The following PPP2R5E variants were observed in gnomAD, a reference collection of about 807,000 sequenced individuals.
PPP2R5E encodes serine/threonine-protein phosphatase 2A 56 kDa regulatory subunit epsilon isoform.
In PPP2R5E, 4 loss-of-function variants were observed where a neutral mutation model predicts 65.3. The ratio of observed to expected loss-of-function variants is 0.06; its 90% confidence interval spans 0.03 to 0.14. The LOEUF (loss-of-function observed/expected upper bound fraction) is 0.14, where lower values mean the gene tolerates loss of function less well. Ranked by LOEUF, PPP2R5E falls within the 10% of genes least tolerant of loss-of-function variation. PPP2R5E has a pLI of 1.00. For synonymous variants in PPP2R5E, 183 were observed against 187.4 expected, an observed-to-expected ratio of 0.98 and a Z score of 0.19; for missense variants, 274 against 556.1, an observed-to-expected ratio of 0.49 and a Z score of 5.10.
chr14:63,508,193 G>A lies in PPP2R5E; in HGVS notation c.157+31336C>T, dbSNP rs977586749. On this transcript the variant is annotated intron_variant, in intron 2 of 13. Coordinates refer to ENST00000337537, the MANE Select transcript of PPP2R5E (RefSeq NM_006246.5). Reference sequence around the variant, plus strand: ...ACCAAGTGTGTGCTCTTCCCTCCTCGCACACCTCACACACCTCTTTGGAGC... The same window carrying A: ...ACCAAGTGTGTGCTCTTCCCTCCTCACACACCTCACACACCTCTTTGGAGC... 1.1e-5 allele frequency: 11 copies of A among 985,218 alleles called. No homozygotes were observed. The African/African-American group carries it at 1.2e-4, about 11-fold the overall frequency. The allele number at this position is 985,218 out of a possible 1,614,324, so 61.0% of individuals were successfully genotyped here. A position where few individuals can be genotyped will look rare whatever the true frequency, so the allele number is the denominator to read the frequency against.
intron 5 of PPP2R5E, among the ~76,000 whole-genome samples, chr14:63,401,753 A>C (rs1022866499): frequency 1.3e-5 from 2 of 152,186 alleles, no homozygotes; most frequent in Non-Finnish European, 2.9e-5. Context: ...GACTTCTCAA[A>C]GATGGAAGTG....
At chr14:63,430,409 A>ACATACATACATG (rs1566696765) in intron 3 of PPP2R5E, among the ~76,000 whole-genome samples, 2 of 143,846 alleles carry the variant, frequency 1.4e-5, no homozygotes, top group Admixed American at 1.3e-4. Context: ...ATGCATACAT[A>ACATACATACATG]CATACATACA....
intron 2 of PPP2R5E, among the ~76,000 whole-genome samples, chr14:63,513,967 CAGCCCAA>C (rs1892561703): frequency 6.6e-6 from 1 of 152,194 alleles, no homozygotes; most frequent in Non-Finnish European, 1.5e-5. Context: ...TCCTGGGCTC[CAGCCCAA>C]TGTTTTCTAC....
chr14:63,396,388 G>A (rs1885396808), intron 6 of PPP2R5E, among the ~76,000 whole-genome samples, 198 bp downstream of exon 6: 1 of 111,642 alleles, frequency 9.0e-6, no homozygotes, highest in Non-Finnish European at 1.9e-5. Flanking sequence ...AGAAGATGGG[G>A]GAGGAGAGGA....
chr14:63,517,807 G>A (rs781712925), intron 2 of PPP2R5E, among the ~76,000 whole-genome samples: 8 of 152,040 alleles, frequency 5.3e-5, no homozygotes, highest in Non-Finnish European at 1.2e-4. Context: ...TAACACCACC[G>A]ATGTTAATTG....
intron 2 of PPP2R5E, among the ~76,000 whole-genome samples, chr14:63,467,230 ACAAACAAAC>A (rs1308208624): frequency 0.025 from 3,489 of 138,652 alleles, 315 homozygotes; most frequent in African/African-American, 0.097. Context: ...CTCAAAAAAA[ACAAACAAAC>A]AAACAAAAAA....
At chr14:63,441,803 G>A (rs371501663) in intron 3 of PPP2R5E, among the ~76,000 whole-genome samples, 6 of 151,860 alleles carry the variant, frequency 4.0e-5, no homozygotes, top group East Asian at 1.9e-4. Context: ...CCAGCTACTC[G>A]GGAGGCTGAG....
At chr14:63,467,618 C>T (rs753605780) in intron 2 of PPP2R5E, among the ~76,000 whole-genome samples, 2 of 152,186 alleles carry the variant, frequency 1.3e-5, no homozygotes, top group Non-Finnish European at 2.9e-5. Flanking sequence ...CAACTAGGTC[C>T]ACTATCTCAA....
intron 13 of PPP2R5E, among the ~76,000 whole-genome samples, chr14:63,381,364 G>A (rs1884346762): frequency 6.6e-6 from 1 of 152,172 alleles, no homozygotes; most frequent in East Asian, 1.9e-4. Flanking sequence ...TGCTATTGGA[G>A]TGAAGTACAA....
intron 3 of PPP2R5E, among the ~76,000 whole-genome samples, chr14:63,433,299 T>C (rs1488721467): frequency 6.6e-6 from 1 of 152,030 alleles, no homozygotes; most frequent in East Asian, 1.9e-4. Flanking sequence ...CGGCCTCCCA[T>C]AGCATTGGGA....
Position 63,413,025 on chromosome 14 carries a change from C to G in PPP2R5E, c.549+2115G>C, listed in dbSNP as rs536865805. 1.5e-4 allele frequency among the ~76,000 whole-genome samples: 23 copies of G among 152,198 alleles called. No homozygotes were observed. The South Asian group carries it at 4.6e-3, about 30-fold the overall frequency. ...AGGTTCAACATAAAAAAAGAACTTC[C>G]TAACAAAAATGGAACAAGCTACCTG... On this transcript the variant is annotated intron_variant, in intron 5 of 13. Coordinates refer to ENST00000337537, the MANE Select transcript of PPP2R5E (RefSeq NM_006246.5).
intron 2 of PPP2R5E, among the ~76,000 whole-genome samples, chr14:63,487,202 G>C (rs934451278): frequency 1.3e-5 from 2 of 152,144 alleles, no homozygotes; most frequent in African/African-American, 4.8e-5. Flanking sequence ...CAGTATCCTA[G>C]TATTTTAACA....
chr14:63,486,488 G>A (rs1413720400), intron 2 of PPP2R5E, among the ~76,000 whole-genome samples: 1 of 151,666 alleles, frequency 6.6e-6, no homozygotes, highest in Non-Finnish European at 1.5e-5. Context: ...TATGTATATA[G>A]GCCAGTATTC....
chr14:63,534,249 T>C (rs1279851694), intron 2 of PPP2R5E, among the ~76,000 whole-genome samples: 3 of 152,330 alleles, frequency 2.0e-5, no homozygotes, highest in African/African-American at 4.8e-5. Flanking sequence ...GCTTGCTTCA[T>C]GTCCTGCTGT....
intron 11 of PPP2R5E, among the ~76,000 whole-genome samples, 188 bp from the exon 12 acceptor site, chr14:63,384,759 G>A (rs1033469157): frequency 2.6e-5 from 4 of 151,890 alleles, no homozygotes; most frequent in Non-Finnish European, 5.9e-5. Context: ...CTAGTGGCGC[G>A]ATCTCGGCTC....
intron 2 of PPP2R5E, among the ~76,000 whole-genome samples, chr14:63,509,020 C>T (rs1381002559): frequency 6.6e-6 from 1 of 152,304 alleles, no homozygotes; most frequent in African/African-American, 2.4e-5. Flanking sequence ...AATATAAAAT[C>T]AGTAACTTTT....
chr14:63,503,987 T>C (rs1411364717), intron 2 of PPP2R5E, among the ~76,000 whole-genome samples: 1 of 152,174 alleles, frequency 6.6e-6, no homozygotes, highest in Admixed American at 6.5e-5. Context: ...GTCCTCTGAG[T>C]GCAAAATTTG....
chr14:63,375,885 C>T lies in PPP2R5E; in HGVS notation c.*124G>A, dbSNP rs1016748797. ...TTAGAGACAGGTATATACAGTGCTG[C>T]TGTAATAATGAAACAAAGGTGAAAT... is the stretch of plus-strand genomic sequence containing the variant. On this transcript the variant is annotated 3_prime_UTR_variant, in exon 14 of 14. Coordinates refer to ENST00000337537, the MANE Select transcript of PPP2R5E (RefSeq NM_006246.5). 41 of 690,216 alleles carry T rather than the reference C, an allele frequency of 5.9e-5. No individual in the cohort carries two copies. In the Admixed American group the frequency reaches 7.6e-4, roughly 13 times the overall value. 42.8% of individuals were successfully genotyped at this position (690,216 alleles called of 1,614,324 possible).
chr14:63,399,424 G>C (rs144232819), intron 5 of PPP2R5E, among the ~76,000 whole-genome samples: 192 of 118,858 alleles, frequency 1.6e-3, no homozygotes, highest in African/African-American at 5.8e-3. Flanking sequence ...TCTGTCACTA[G>C]GCTGGAGTGC....
Sources: allele counts gnomAD v4.1 joint callset (sites outside exome capture counted in the v4.1 genomes callset), GRCh38; gene constraint gnomAD v4.1.1; transcripts MANE v1.5; gene names NCBI Gene and HGNC (gene_info 2026-07-23, HGNC 2026-07-21).